Variants in MCM10 observed in about 807,000 individuals in gnomAD.
The protein encoded by MCM10 is minichromosome maintenance 10 replication initiation factor, also known as protein MCM10 homolog.
MCM10 carries 91 observed loss-of-function variants against 109.9 expected under a neutral mutation model. The observed-to-expected ratio is 0.83, with a 90% CI of 0.70 to 0.99. The LOEUF (loss-of-function observed/expected upper bound fraction) is 0.99. Ranked by LOEUF, MCM10 falls within the 50% of genes least tolerant of loss-of-function variation. MCM10 has a pLI of 0.00. For missense variants in MCM10, 1,077 were observed against 1,061.2 expected, an observed-to-expected ratio of 1.01 and a Z score of -0.21; for synonymous variants, 380 against 387.2, an observed-to-expected ratio of 0.98 and a Z score of 0.22.
chr10:13,175,500 A>G lies in MCM10; in HGVS notation c.593-10A>G. 1 of 1,612,572 alleles carries G rather than the reference A, an allele frequency of 6.2e-7. No homozygotes were observed. The highest frequency in any genetic ancestry group is 2.2e-5 in the East Asian group (1 of 44,836). On this transcript the variant is annotated splice_polypyrimidine_tract_variant and intron_variant, in intron 5 of 19. Coordinates refer to ENST00000378714, the MANE Select transcript of MCM10 (RefSeq NM_018518.5). ...TGGTTGCCTTTTCATTAATTGTGTT[A>G]ATTTTCTAGATCCCAAAAGCTCATC...
chr10:13,196,454 C>G (rs1834422966), intron 14 of MCM10, among the ~76,000 whole-genome samples: 1 of 152,144 alleles, frequency 6.6e-6, no homozygotes, highest in African/African-American at 2.4e-5. Flanking sequence ...GGCACATGTC[C>G]ATATTACTCA....
intron 7 of MCM10, among the ~76,000 whole-genome samples, chr10:13,180,934 C>T (rs1054258483): frequency 6.6e-6 from 1 of 152,132 alleles, no homozygotes; most frequent in African/African-American, 2.4e-5. Context: ...CGCAAGTAAC[C>T]AAAGAGGCTG....
intron 18 of MCM10, among the ~76,000 whole-genome samples, chr10:13,207,886 G>A (rs964570216): frequency 2.0e-5 from 3 of 152,170 alleles, no homozygotes; most frequent in African/African-American, 7.2e-5. Context: ...AGCTAGGTAA[G>A]GGGAAGGGGA....
chr10:13,172,463 G>A lies in MCM10; in HGVS notation c.437G>A (p.Arg146His), dbSNP rs199650792. The part of the protein sequence containing the change: ...TTIKQTASPA[R>H]LQKSPEKSPR... The stretch of plus-strand genomic sequence containing the variant: ...ATTAAACAGACAGCAAGCCCAGCCC[G>A]TCTGCAAAAATCCCCTGGTAAGAAG... The change falls in exon 4 of 20, where the codon CGT becomes CAT. Residue 146 changes from arginine (R) to histidine (H), a missense_variant. Arg to His is a conservative substitution (Grantham distance 29). Transcript: ENST00000378714. The surrounding 1 kb of genome is among the most constrained non-coding windows in gnomAD (Gnocchi z 5.2). The A allele has an allele frequency of 3.7e-5, 59 of 1,613,952 alleles. No homozygotes were observed. The African/African-American group carries it at 4.0e-4, about 11-fold the overall frequency.
chr10:13,170,566 G>C (rs1218659186), intron 2 of MCM10, among the ~76,000 whole-genome samples: 1 of 152,208 alleles, frequency 6.6e-6, no homozygotes, highest in Non-Finnish European at 1.5e-5. Flanking sequence ...TCACTAAGCA[G>C]TATTGGCTCC....
intron 2 of MCM10, 59 bp downstream of exon 2, chr10:13,164,268 G>A: frequency 6.6e-7 from 1 of 1,515,212 alleles, no homozygotes; most frequent in South Asian, 1.3e-5. Flanking sequence ...TTTGTCCATG[G>A]ACTTGTTATT....
intron 15 of MCM10, among the ~76,000 whole-genome samples, chr10:13,198,456 G>A (rs115207466): frequency 1.5e-3 from 222 of 152,226 alleles, no homozygotes; most frequent in African/African-American, 5.1e-3. Context: ...CTGCCTATTT[G>A]AAGGTGAAAA....
chr10:13,201,547 G>T lies in MCM10; in HGVS notation c.2352+13G>T. On this transcript the variant is annotated intron_variant, in intron 17 of 19. Coordinates refer to ENST00000378714, the MANE Select transcript of MCM10 (RefSeq NM_018518.5). Reference sequence around the variant, plus strand: ...GACATGCAAGACGGTGGGTGAAGGTGGGGGCTGCAGCAACCCATGGGCCCT... The same window carrying T: ...GACATGCAAGACGGTGGGTGAAGGTTGGGGCTGCAGCAACCCATGGGCCCT... 2 of 1,585,656 alleles carry T rather than the reference G, an allele frequency of 1.3e-6. No homozygotes were observed. The highest frequency in any genetic ancestry group is 1.7e-6 in the Non-Finnish European group (2 of 1,161,342).
chr10:13,191,468 A>G, intron 11 of MCM10, 69 bp downstream of exon 11: 1 of 1,294,126 alleles, frequency 7.7e-7, no homozygotes, highest in Non-Finnish European at 1.1e-6. Flanking sequence ...ATAAAAGACT[A>G]CACATTGGGT....
chr10:13,192,713 C>T, intron 13 of MCM10, 145 bp downstream of exon 13: 1 of 702,090 alleles, frequency 1.4e-6, no homozygotes, highest in African/African-American at 1.8e-5. Flanking sequence ...TTCCCATAAC[C>T]TGAATAGCAT....
At chr10:13,166,072 G>A (rs537793243) in intron 2 of MCM10, among the ~76,000 whole-genome samples, 9 of 152,136 alleles carry the variant, frequency 5.9e-5, no homozygotes, top group African/African-American at 2.2e-4. Flanking sequence ...CGGGTAGTTA[G>A]TAGATGGGAG....
At chr10:13,186,638 T>C (rs1834277729) in intron 9 of MCM10, among the ~76,000 whole-genome samples, 1 of 152,200 alleles carries the variant, frequency 6.6e-6, no homozygotes, top group African/African-American at 2.4e-5. Flanking sequence ...TTAGGGCTTT[T>C]TAAAAAATAA....
chr10:13,204,095 T>C, intron 17 of MCM10, 124 bp from the exon 18 acceptor site: 1 of 1,187,022 alleles, frequency 8.4e-7, no homozygotes, highest in East Asian at 2.5e-5. Context: ...CCCAGTCCCC[T>C]AGCAAGGGCC....
intron 7 of MCM10, 59 bp downstream of exon 7, chr10:13,180,666 T>C (rs754164579): frequency 1.3e-6 from 2 of 1,583,936 alleles, no homozygotes; most frequent in South Asian, 1.1e-5. Flanking sequence ...GGGAATTCGA[T>C]GTCCTGAATT....
intron 2 of MCM10, among the ~76,000 whole-genome samples, chr10:13,170,296 AAAC>A (rs1834052745): frequency 6.6e-6 from 1 of 152,232 alleles, no homozygotes; most frequent in African/African-American, 2.4e-5. Flanking sequence ...GGCAAGAAGC[AAAC>A]AACAAAATGT....
intron 6 of MCM10, among the ~76,000 whole-genome samples, chr10:13,176,505 C>A (rs189976179): frequency 6.6e-6 from 1 of 152,258 alleles, no homozygotes; most frequent in East Asian, 1.9e-4. Context: ...AACTCTGAAA[C>A]CTTGTCAGTG....
At chr10:13,188,565 A>G (rs1331378588) in intron 9 of MCM10, among the ~76,000 whole-genome samples, 1 of 141,242 alleles carries the variant, frequency 7.1e-6, no homozygotes, top group Admixed American at 7.1e-5. Context: ...GTCCTATATT[A>G]AATAACATAG....
At chr10:13,187,030 A>G (rs1289854197) in intron 9 of MCM10, among the ~76,000 whole-genome samples, 2 of 152,186 alleles carry the variant, frequency 1.3e-5, no homozygotes, top group Non-Finnish European at 2.9e-5. Context: ...ACAATTCAGT[A>G]ATTTCTAGTA....
At chr10:13,165,705 T>A (rs1312321178) in intron 2 of MCM10, among the ~76,000 whole-genome samples, 1 of 151,968 alleles carries the variant, frequency 6.6e-6, no homozygotes, top group Non-Finnish European at 1.5e-5. Context: ...TGAAACCCCA[T>A]TTCTACTAAA....
Sources: allele counts gnomAD v4.1 joint callset (sites outside exome capture counted in the v4.1 genomes callset), GRCh38; gene constraint gnomAD v4.1.1; non-coding constraint Gnocchi (gnomAD v3.1); transcripts MANE v1.5; gene names NCBI Gene and HGNC (gene_info 2026-07-23, HGNC 2026-07-21).